Variants in ROR2 observed in about 807,000 individuals in gnomAD.
ROR2 encodes tyrosine-protein kinase transmembrane receptor ROR2.
Under a neutral mutation model 74.9 loss-of-function variants are expected in ROR2, and 33 were observed. That is an observed-to-expected ratio of 0.44 (90% confidence interval 0.33 to 0.59). The LOEUF is 0.59. ROR2 is among the 20% of genes least tolerant of loss of function. ROR2 has a pLI of 0.02. For synonymous variants in ROR2, 586 were observed against 558.7 expected (o/e 1.05, Z -0.69); for missense variants, 1,216 against 1,313.8 (o/e 0.93, Z 1.15).
At chr9:91,882,106 A>C (rs563919563) in intron 1 of ROR2, among the ~76,000 whole-genome samples, 77 of 152,232 alleles carry the variant, frequency 5.1e-4, no homozygotes, top group African/African-American at 1.8e-3. Context: ...CTCACAGCTC[A>C]GTCTATAGAA....
chr9:91,799,676 C>A (rs2119048922), intron 1 of ROR2, among the ~76,000 whole-genome samples: 1 of 152,330 alleles, frequency 6.6e-6, no homozygotes, highest in East Asian at 1.9e-4. Flanking sequence ...AAGGAAAGCT[C>A]TCTCCAGCTT....
chr9:91,785,274 T>A (rs1484409016), intron 1 of ROR2, among the ~76,000 whole-genome samples: 1 of 152,236 alleles, frequency 6.6e-6, no homozygotes, highest in African/African-American at 2.4e-5. Context: ...TCCCTGTGCA[T>A]ATGGTTCACC....
At chr9:91,726,395 A>G (rs566570350) in intron 8 of ROR2, 146 bp downstream of exon 8, 489 of 716,338 alleles carry the variant, frequency 6.8e-4, no homozygotes, top group Non-Finnish European at 9.8e-4. Context: ...TAGTTTACAG[A>G]AAAAAAAAAT....
chr9:91,841,905 G>C (rs1828794174), intron 1 of ROR2, among the ~76,000 whole-genome samples: 1 of 152,188 alleles, frequency 6.6e-6, no homozygotes, highest in Admixed American at 6.5e-5. Context: ...GCCACCATGA[G>C]AGTCATCTCT....
In ROR2 at chr9:91,786,351, T is replaced by TCAATC. The variant is rs58982208; in HGVS notation, c.98-10534_98-10533insGATTG. On this transcript the variant is annotated intron_variant, in intron 1 of 8. Transcript: ENST00000375708. Reference sequence around the variant, plus strand: ...ATCAATCAATCAATCAATCAATCAATAAGTAAATAAATAAATAAATAAATA... The same window carrying TCAATC: ...ATCAATCAATCAATCAATCAATCAATCAATCAAGTAAATAAATAAATAAATAAATA... 4.0e-4 allele frequency among the ~76,000 whole-genome samples: 32 copies of TCAATC among 79,316 alleles called. No homozygotes were observed. In the East Asian group the frequency reaches 0.012, roughly 29 times the overall value. 52.0% of individuals were successfully genotyped at this position (79,316 alleles called of 152,430 possible).
chr9:91,827,738 G>A (rs1178508259), intron 1 of ROR2, among the ~76,000 whole-genome samples: 2 of 152,148 alleles, frequency 1.3e-5, no homozygotes, highest in Non-Finnish European at 2.9e-5. Flanking sequence ...ATATAATTTT[G>A]TTCAATTTGA....
chr9:91,783,375 C>T (rs1826686895), intron 1 of ROR2, among the ~76,000 whole-genome samples: 1 of 152,196 alleles, frequency 6.6e-6, no homozygotes, highest in African/African-American at 2.4e-5. Flanking sequence ...AAGGCTCAGC[C>T]TCACAGTGAG....
At chr9:91,726,870 C>A in intron 7 of ROR2, 127 bp from the exon 8 acceptor site, 2 of 863,858 alleles carry the variant, frequency 2.3e-6, no homozygotes, top group South Asian at 2.8e-5. Context: ...CTAAGTTACA[C>A]AATGGGGTAA....
intron 1 of ROR2, among the ~76,000 whole-genome samples, chr9:91,898,346 A>C (rs577841798): frequency 1.1e-3 from 166 of 152,264 alleles, no homozygotes; most frequent in African/African-American, 3.9e-3. Flanking sequence ...TGCTGGGTGC[A>C]TATCCCATGC....
chr9:91,936,505 T>C (rs1446417332), intron 1 of ROR2, among the ~76,000 whole-genome samples: 2 of 152,202 alleles, frequency 1.3e-5, no homozygotes, highest in Non-Finnish European at 2.9e-5. Context: ...TCATTTTAAA[T>C]TATCACCTCT....
intron 1 of ROR2, among the ~76,000 whole-genome samples, chr9:91,896,082 A>C (rs1365466203): frequency 1.3e-5 from 2 of 152,212 alleles, no homozygotes; most frequent in Non-Finnish European, 2.9e-5. Context: ...GCCCAAGGTT[A>C]ATGTTGCAAA....
chr9:91,916,715 A>C (rs1253082367), intron 1 of ROR2, among the ~76,000 whole-genome samples: 76 of 152,128 alleles, frequency 5.0e-4, no homozygotes, highest in Non-Finnish European at 2.9e-5. Flanking sequence ...CTGGGATTTC[A>C]TATATGGACT....
At chr9:91,826,202 G>A (rs1828285048) in intron 1 of ROR2, among the ~76,000 whole-genome samples, 1 of 152,164 alleles carries the variant, frequency 6.6e-6, no homozygotes, top group Non-Finnish European at 1.5e-5. Flanking sequence ...GGGGAAATGA[G>A]CCCTTCCCAT....
intron 1 of ROR2, among the ~76,000 whole-genome samples, chr9:91,789,213 A>T (rs1826894694): frequency 6.6e-6 from 1 of 152,238 alleles, no homozygotes; most frequent in East Asian, 1.9e-4. Flanking sequence ...ACTGTGCCTC[A>T]TAAAAATACA....
chr9:91,892,622 GCT>G (rs1830449464), intron 1 of ROR2, among the ~76,000 whole-genome samples: 1 of 105,358 alleles, frequency 9.5e-6, no homozygotes, highest in Non-Finnish European at 1.8e-5. Flanking sequence ...ATGGAGTCTT[GCT>G]CTGTTGCCAG....
intron 1 of ROR2, among the ~76,000 whole-genome samples, chr9:91,880,353 T>C (rs1830074535): frequency 6.6e-6 from 1 of 152,184 alleles, no homozygotes; most frequent in Non-Finnish European, 1.5e-5. Flanking sequence ...CTGTGGTGCA[T>C]TGTTACAGCA....
chr9:91,805,373 A>AGC (rs1367772126), intron 1 of ROR2, among the ~76,000 whole-genome samples: 5 of 152,232 alleles, frequency 3.3e-5, no homozygotes, highest in Non-Finnish European at 7.3e-5. Context: ...CCCAAGACAC[A>AGC]GCCTCATGGC....
At position 91,724,808 on chromosome 9, in the gene ROR2, G is replaced by A. The variant is rs56048121; in HGVS notation, c.1686C>T (p.His562=). Reference sequence around the variant, plus strand: ...GCGGCGAGCGCATGACCAGGAATTCGTGGAGGTCGCCGTGCGAACAGTAGC... The same window carrying A: ...GCGGCGAGCGCATGACCAGGAATTCATGGAGGTCGCCGTGCGAACAGTAGC... ...IFSYCSHGDL[H]EFLVMRSPHS... is the part of the protein sequence containing the mutation. The change falls in exon 9 of 9, where the codon CAC becomes CAT. Residue 562 remains histidine, a synonymous_variant. Coordinates refer to ENST00000375708, the MANE Select transcript of ROR2 (RefSeq NM_004560.4). 2.7e-3 allele frequency: 4,393 copies of A among 1,608,786 alleles called. 142 individuals carry two copies. The East Asian group carries it at 0.079, about 29-fold the overall frequency.
chr9:91,851,486 G>A (rs9969713), intron 1 of ROR2, among the ~76,000 whole-genome samples: 18,112 of 151,996 alleles, frequency 0.12, 2,376 homozygotes, highest in African/African-American at 0.33. Context: ...TTGACACTGG[G>A]TAGAGCAAGG....
Sources: allele counts gnomAD v4.1 joint callset (sites outside exome capture counted in the v4.1 genomes callset), GRCh38; gene constraint gnomAD v4.1.1; transcripts MANE v1.5; gene names NCBI Gene and HGNC (gene_info 2026-07-23, HGNC 2026-07-21).